CNTNAP2: variants seen among roughly 807,000 people sequenced by gnomAD.
CNTNAP2 encodes the protein contactin associated protein 2, also known as contactin-associated protein-like 2.
CNTNAP2 carries 98 observed loss-of-function variants against 155.2 expected under a neutral mutation model. The ratio of observed to expected loss-of-function variants is 0.63; its 90% CI spans 0.54 to 0.75. The LOEUF is 0.75. Ranked by LOEUF, CNTNAP2 falls within the 30% of genes least tolerant of loss-of-function variation. CNTNAP2 has a pLI of 0.00. For missense variants in CNTNAP2, 1,727 were observed against 1,688.1 expected (o/e 1.02, Z -0.40); for synonymous variants, 651 against 631.2 (o/e 1.03, Z -0.47).
chr7:146,790,134 T>C (rs1289927905), intron 2 of CNTNAP2, among the ~76,000 whole-genome samples: 1 of 152,148 alleles, frequency 6.6e-6, no homozygotes, highest in Non-Finnish European at 1.5e-5. Flanking sequence ...CCCAAACTTC[T>C]TTCTATCAAG....
In CNTNAP2 at chr7:147,452,601, G is replaced by A. The variant is rs1797851682; in HGVS notation, c.1671-33334G>A. On this transcript the variant is annotated intron_variant, in intron 10 of 23. Coordinates refer to ENST00000361727, the MANE Select transcript of CNTNAP2 (RefSeq NM_014141.6). ...ATATTTTAATATTTACATATGAAAA[G>A]AAGTTCATGCTAAATTTTACAAAAG... Among the ~76,000 whole-genome samples the A allele has an allele frequency of 2.6e-5, 4 of 152,140 alleles. No homozygotes were observed. The South Asian group carries it at 8.3e-4, about 31-fold the overall frequency.
intron 3 of CNTNAP2, among the ~76,000 whole-genome samples, chr7:146,857,039 T>C (rs761897672): frequency 1.3e-5 from 2 of 152,184 alleles, no homozygotes; most frequent in Non-Finnish European, 2.9e-5. Context: ...GTTTATTCGA[T>C]GTAGCAATGT....
At chr7:147,501,542 C>T (rs1178705605) in intron 11 of CNTNAP2, among the ~76,000 whole-genome samples, 1 of 152,162 alleles carries the variant, frequency 6.6e-6, no homozygotes, top group South Asian at 2.1e-4. Flanking sequence ...GAAGCCAATG[C>T]AATTTGGTGT....
chr7:146,424,036 A>G (rs1485271535), intron 1 of CNTNAP2, among the ~76,000 whole-genome samples: 3 of 152,174 alleles, frequency 2.0e-5, no homozygotes. Flanking sequence ...ATATTTAGTA[A>G]CTGTTAGTTT....
intron 15 of CNTNAP2, among the ~76,000 whole-genome samples, chr7:148,062,686 T>C (rs1267806435): frequency 6.6e-6 from 1 of 152,084 alleles, no homozygotes; most frequent in Non-Finnish European, 1.5e-5. Flanking sequence ...TAAATATTCA[T>C]GAGATGCAAG....
intron 10 of CNTNAP2, among the ~76,000 whole-genome samples, chr7:147,480,291 C>CA (rs376318544): frequency 8.5e-4 from 129 of 152,216 alleles, no homozygotes; most frequent in African/African-American, 3.1e-3. Context: ...CAATCATTTA[C>CA]AAAAATAAGC....
At chr7:146,621,800 GT>G (rs1799322754) in intron 1 of CNTNAP2, among the ~76,000 whole-genome samples, 1 of 152,140 alleles carries the variant, frequency 6.6e-6, no homozygotes, top group Non-Finnish European at 1.5e-5. Context: ...CCTATGTGCA[GT>G]TCACATGTAA....
chr7:146,756,618 G>T (rs2129183320), intron 1 of CNTNAP2, among the ~76,000 whole-genome samples: 1 of 152,030 alleles, frequency 6.6e-6, no homozygotes, highest in South Asian at 2.1e-4. Context: ...TATTAACTTT[G>T]ATTGAGTTAT....
chr7:147,249,543 C>T (rs1804140925), intron 8 of CNTNAP2, among the ~76,000 whole-genome samples: 1 of 126,884 alleles, frequency 7.9e-6, no homozygotes. Context: ...AAAGAAACCA[C>T]ATTAGGAAAG....
intron 4 of CNTNAP2, among the ~76,000 whole-genome samples, chr7:147,047,735 C>T (rs893456328): frequency 2.6e-5 from 4 of 151,042 alleles, no homozygotes; most frequent in Non-Finnish European, 5.9e-5. Context: ...TGAGTTTGTG[C>T]TGTCATGGGC....
intron 23 of CNTNAP2, among the ~76,000 whole-genome samples, chr7:148,413,401 A>AAAAAAAAAAAAAAAATATAT (rs1442990213): frequency 8.8e-5 from 4 of 45,372 alleles, no homozygotes; most frequent in Non-Finnish European, 1.7e-4. Context: ...TCAAAAAAAA[A>AAAAAAAAAAAAAAAATATAT]ATATATATAT....
At chr7:147,299,588 T>C (rs545564751) in intron 8 of CNTNAP2, among the ~76,000 whole-genome samples, 34 of 152,262 alleles carry the variant, frequency 2.2e-4, no homozygotes, top group African/African-American at 7.7e-4. Context: ...TTCTATAAAC[T>C]ATACTTACCA....
chr7:146,665,196 A>G (rs1800169095), intron 1 of CNTNAP2, among the ~76,000 whole-genome samples: 1 of 152,088 alleles, frequency 6.6e-6, no homozygotes. Context: ...TGATCTGCCC[A>G]TCTTGGCCTC....
intron 1 of CNTNAP2, among the ~76,000 whole-genome samples, chr7:146,659,741 G>T (rs1196332426): frequency 6.6e-6 from 1 of 152,200 alleles, no homozygotes; most frequent in Non-Finnish European, 1.5e-5. Flanking sequence ...AGTACATGAG[G>T]TGGGAAACGA....
chr7:146,811,566 T>C (rs76378377), intron 2 of CNTNAP2, among the ~76,000 whole-genome samples: 2 of 152,208 alleles, frequency 1.3e-5, no homozygotes, highest in African/African-American at 4.8e-5. Context: ...ATTTTGTTTA[T>C]GTTTTCAAAA....
At position 146,475,012 on chromosome 7, in the gene CNTNAP2, C is replaced by T. The variant is rs1244059344; in HGVS notation, c.98-299259C>T. On this transcript the variant is annotated intron_variant, in intron 1 of 23. Transcript: ENST00000361727. ...GCACGAGCGCGCACGCGCGCGCGCG[C>T]GCACACACACACACACACACACACA... Among the ~76,000 whole-genome samples, 7 of 119,952 alleles carry T rather than the reference C, an allele frequency of 5.8e-5. No individual in the cohort carries two copies. The South Asian group carries it at 1.0e-3, about 18-fold the overall frequency. 78.7% of individuals were successfully genotyped at this position (119,952 alleles called of 152,430 possible).
At chr7:147,520,923 G>T (rs1334923794) in intron 11 of CNTNAP2, among the ~76,000 whole-genome samples, 1 of 152,140 alleles carries the variant, frequency 6.6e-6, no homozygotes, top group Non-Finnish European at 1.5e-5. Context: ...CAGATTTCTG[G>T]ATATCTCCCT....
chr7:146,548,976 G>A (rs1798074206), intron 1 of CNTNAP2, among the ~76,000 whole-genome samples: 2 of 150,316 alleles, frequency 1.3e-5, no homozygotes, highest in South Asian at 4.2e-4. Context: ...TCATCTAGGA[G>A]TTTTCTAGTT....
intron 13 of CNTNAP2, among the ~76,000 whole-genome samples, chr7:147,872,286 T>C (rs1799339832): frequency 6.6e-6 from 1 of 152,242 alleles, no homozygotes; most frequent in South Asian, 2.1e-4. Context: ...TTTTTAGCAG[T>C]TGATTATATT....
Sources: gnomAD v4.1 joint callset for allele counts (sites outside exome capture counted in the v4.1 genomes callset) on GRCh38, gnomAD v4.1.1 for gene constraint, MANE v1.5 for transcripts, NCBI Gene and HGNC (gene_info 2026-07-23, HGNC 2026-07-21) for gene names.